The following SUGCT variants were observed in gnomAD, a reference collection of about 807,000 sequenced individuals.
The protein encoded by SUGCT is succinyl-CoA:glutarate CoA-transferase.
Under a neutral mutation model 55.0 loss-of-function variants are expected in SUGCT, and 41 were observed. The observed-to-expected ratio is 0.74, with a 90% CI of 0.58 to 0.97. SUGCT has a LOEUF of 0.97. Ranked by LOEUF, SUGCT falls within the 50% of genes least tolerant of loss-of-function variation. The pLI is 0.00. For missense variants in SUGCT, 568 were observed against 547.8 expected (o/e 1.04, Z -0.37); for synonymous variants, 187 against 200.4 (o/e 0.93, Z 0.56).
chr7:40,178,650 A>G (rs1785038901), intron 1 of SUGCT, among the ~76,000 whole-genome samples: 1 of 151,850 alleles, frequency 6.6e-6, no homozygotes, highest in Non-Finnish European at 1.5e-5. Context: ...TTTTCTCCCT[A>G]GAAATGTTTA....
intron 7 of SUGCT, among the ~76,000 whole-genome samples, chr7:40,252,196 A>G (rs1314984124): frequency 6.6e-6 from 1 of 152,172 alleles, no homozygotes; most frequent in Non-Finnish European, 1.5e-5. Context: ...GTACAGTGGC[A>G]CAGTCACTGC....
chr7:40,478,317 A>G (rs1268326040), intron 11 of SUGCT, among the ~76,000 whole-genome samples: 1 of 152,060 alleles, frequency 6.6e-6, no homozygotes, highest in Non-Finnish European at 1.5e-5. Context: ...CCTAATTTCT[A>G]TCTAGTACTT....
At chr7:40,591,742 C>G (rs576820264) in intron 12 of SUGCT, among the ~76,000 whole-genome samples, 2 of 152,296 alleles carry the variant, frequency 1.3e-5, no homozygotes, top group South Asian at 4.1e-4. Flanking sequence ...AGGCAAGACC[C>G]TCCACCAGTA....
chr7:40,819,876 G>GT (rs1791888048), intron 13 of SUGCT, among the ~76,000 whole-genome samples: 2 of 152,130 alleles, frequency 1.3e-5, no homozygotes, highest in African/African-American at 2.4e-5. Flanking sequence ...TTCTTCTAGG[G>GT]TTTTTATGGT....
intron 12 of SUGCT, among the ~76,000 whole-genome samples, chr7:40,545,470 C>T (rs1339631413): frequency 6.6e-6 from 1 of 152,072 alleles, no homozygotes; most frequent in Non-Finnish European, 1.5e-5. Context: ...CTGGAGTTGA[C>T]GAGATGAGAA....
At chr7:40,197,801 T>C (rs1411112848) in intron 6 of SUGCT, among the ~76,000 whole-genome samples, 1 of 152,126 alleles carries the variant, frequency 6.6e-6, no homozygotes. Flanking sequence ...AGGATGACAA[T>C]TGAGAATAAT....
intron 6 of SUGCT, among the ~76,000 whole-genome samples, chr7:40,223,803 G>T (rs2150834381): frequency 6.6e-6 from 1 of 152,250 alleles, no homozygotes; most frequent in Non-Finnish European, 1.5e-5. Flanking sequence ...GTACTTAATT[G>T]TGTTTTCCTC....
At chr7:40,231,864 C>T (rs1178829894) in intron 6 of SUGCT, among the ~76,000 whole-genome samples, 2 of 152,124 alleles carry the variant, frequency 1.3e-5, no homozygotes, top group Non-Finnish European at 2.9e-5. Flanking sequence ...CTTTGGGAAG[C>T]TGAGGTGGGA....
intron 9 of SUGCT, among the ~76,000 whole-genome samples, chr7:40,331,456 A>G (rs1584699283): frequency 1.3e-5 from 2 of 152,222 alleles, no homozygotes; most frequent in East Asian, 1.9e-4. Flanking sequence ...TTCTTCATGT[A>G]TAAAATAGGT....
At chr7:40,344,986 G>C (rs1185134293) in intron 9 of SUGCT, among the ~76,000 whole-genome samples, 1 of 152,164 alleles carries the variant, frequency 6.6e-6, no homozygotes, top group African/African-American at 2.4e-5. Context: ...ATAGGTACTT[G>C]CTAAATTTAA....
chr7:40,784,819 A>T (rs1789935625), intron 13 of SUGCT, among the ~76,000 whole-genome samples: 2 of 152,186 alleles, frequency 1.3e-5, no homozygotes, highest in African/African-American at 4.8e-5. Flanking sequence ...CAAGTCACTT[A>T]ATCATGCTGA....
chr7:40,722,294 C>T (rs1026893769), intron 12 of SUGCT, among the ~76,000 whole-genome samples: 4 of 152,106 alleles, frequency 2.6e-5, no homozygotes, highest in African/African-American at 9.7e-5. Context: ...TAAAGAAATC[C>T]TTGCTCACGC....
intron 7 of SUGCT, among the ~76,000 whole-genome samples, chr7:40,272,370 G>A (rs1416900708): frequency 6.7e-6 from 1 of 148,956 alleles, no homozygotes; most frequent in East Asian, 2.0e-4. Flanking sequence ...TAGAGACAGG[G>A]TCTTACTCTG....
chr7:40,182,024 A>G lies in SUGCT; in HGVS notation c.222A>G (p.Arg74=). Reference sequence around the variant, plus strand: ...GAGCAGAAGTTATAAAAGTGGAGAGACCAGGTAAAGCTATTACTCCCTTTA... The same window carrying G: ...GAGCAGAAGTTATAAAAGTGGAGAGGCCAGGTAAAGCTATTACTCCCTTTA... The part of the protein sequence containing the change: ...DLGAEVIKVE[R]PGAGDDTRTW... Residue 74 remains arginine (R), a synonymous_variant, in exon 3 of 14, where the codon AGA becomes AGG. Coordinates refer to ENST00000335693, the MANE Select transcript of SUGCT (RefSeq NM_001193313.2). The G allele has an allele frequency of 6.3e-7, 1 of 1,583,706 alleles. No individual in the cohort carries two copies.
intron 6 of SUGCT, among the ~76,000 whole-genome samples, chr7:40,215,223 G>A (rs1787557312): frequency 6.6e-6 from 1 of 152,066 alleles, no homozygotes; most frequent in Non-Finnish European, 1.5e-5. Context: ...ACTCACTGCA[G>A]CCTTGAGCTC....
intron 1 of SUGCT, among the ~76,000 whole-genome samples, chr7:40,146,926 T>C (rs998836567): frequency 6.6e-6 from 1 of 152,182 alleles, no homozygotes; most frequent in Non-Finnish European, 1.5e-5. Flanking sequence ...CACTGTTTTC[T>C]CTTTACTACT....
At chr7:40,481,696 C>T (rs1003315480) in intron 11 of SUGCT, among the ~76,000 whole-genome samples, 4 of 152,120 alleles carry the variant, frequency 2.6e-5, no homozygotes, top group Admixed American at 1.3e-4. Context: ...TAGTAATCAG[C>T]GAGATGCCCC....
At chr7:40,468,451 C>T (rs933427896) in intron 11 of SUGCT, among the ~76,000 whole-genome samples, 1 of 152,074 alleles carries the variant, frequency 6.6e-6, no homozygotes, top group Non-Finnish European at 1.5e-5. Flanking sequence ...CCTACCCCAT[C>T]TTTCTGCCCC....
intron 12 of SUGCT, among the ~76,000 whole-genome samples, chr7:40,614,318 G>A (rs761476969): frequency 1.3e-5 from 2 of 152,150 alleles, no homozygotes; most frequent in Non-Finnish European, 2.9e-5. Flanking sequence ...CTAAAGACAT[G>A]TACTGCTTTA....
Sources: gnomAD v4.1 joint callset for allele counts (sites outside exome capture counted in the v4.1 genomes callset) on GRCh38, gnomAD v4.1.1 for gene constraint, MANE v1.5 for transcripts, NCBI Gene and HGNC (gene_info 2026-07-23, HGNC 2026-07-21) for gene names.